DEF6: variants seen among roughly 807,000 people sequenced by gnomAD.
DEF6 encodes the protein DEF6 guanine nucleotide exchange factor, also known as differentially expressed in FDCP 6 homolog.
DEF6 carries 32 observed loss-of-function variants against 80.5 expected under a neutral mutation model. The observed-to-expected ratio is 0.40, with a 90% confidence interval of 0.30 to 0.53. DEF6 has a LOEUF of 0.53. DEF6 is among the 20% of genes least tolerant of loss of function. The probability of loss-of-function intolerance (pLI) is 0.57; values close to 1 mark genes in which losing one functional copy is unlikely to be tolerated. For missense variants in DEF6, 575 were observed against 818.7 expected (o/e 0.70, Z 3.63); for synonymous variants, 300 against 337.9 (o/e 0.89, Z 1.23).
At chr6:35,300,432 C>A (rs1018159002) in intron 1 of DEF6, among the ~76,000 whole-genome samples, 1 of 152,170 alleles carries the variant, frequency 6.6e-6, no homozygotes, top group Admixed American at 6.5e-5. Context: ...TGCCACTTCT[C>A]CCCTAATGTG....
chr6:35,317,724 T>A, intron 5 of DEF6, 167 bp from the exon 6 acceptor site: 5 of 546,220 alleles, frequency 9.2e-6, no homozygotes, highest in East Asian at 3.3e-5. Context: ...TTGTGGGGAC[T>A]TAAGTCCCCC....
chr6:35,317,787 A>C, intron 5 of DEF6, 104 bp from the exon 6 acceptor site: 4 of 923,150 alleles, frequency 4.3e-6, no homozygotes, highest in Admixed American at 2.8e-5. Flanking sequence ...GTCCCCAGGG[A>C]AGATAGCCAG....
chr6:35,306,251 C>A (rs1488743586), intron 1 of DEF6, among the ~76,000 whole-genome samples: 1 of 150,234 alleles, frequency 6.7e-6, no homozygotes, highest in East Asian at 2.0e-4. Context: ...TGGCTCATGC[C>A]TGTAACCCCA....
chr6:35,318,182 T>TGGC lies in DEF6; in HGVS notation c.928_930dup (p.Ala310dup). 6.4e-7 allele frequency: 1 copy of TGGC among 1,562,818 alleles called. No homozygotes were observed. Among genetic ancestry groups the TGGC allele is most frequent in the African/African-American group, 1.4e-5 (1 of 72,694 alleles). On this transcript the variant is annotated inframe_insertion, in exon 7 of 11. Transcript: ENST00000316637. This position sits in a 1 kb window ranked among gnomAD's most constrained non-coding sequence, Gnocchi z 5.1. ...TCCCGCTCTTCGGCAGCCATCCAGA[T>TGGC]GGCGATCCGGCTGCAGGCCGAGGGG...
Position 35,312,430 on chromosome 6 carries a change from C to G in DEF6, c.552C>G (p.Phe184Leu). 6.2e-7 allele frequency: 1 copy of G among 1,614,172 alleles called. No homozygotes were observed. The highest frequency in any genetic ancestry group is 8.5e-7 in the Non-Finnish European group (1 of 1,180,048). The change falls in exon 4 of 11, where the codon TTC becomes TTG. Residue 184 changes from phenylalanine (F) to leucine (L), a missense_variant. Coordinates refer to ENST00000316637, the MANE Select transcript of DEF6 (RefSeq NM_022047.4). The surrounding 1 kb of genome is among the most constrained non-coding windows in gnomAD (Gnocchi z 6.6). ...CCGGGGGGCTCAGCGTCTGGCAGTT[C>G]CTGGAGCTCTTCAATTCGGGCCGCT... is the stretch of plus-strand genomic sequence containing the variant. ...QTTGGLSVWQ[F>L]LELFNSGRCL...
At position 35,319,767 on chromosome 6, in the gene DEF6, C is replaced by T; in HGVS notation, c.1383-52C>T. 6.2e-7 allele frequency: 1 copy of T among 1,610,954 alleles called. No homozygotes were observed. Among genetic ancestry groups the T allele is most frequent in the Non-Finnish European group, 8.5e-7 (1 of 1,178,022 alleles). On this transcript the variant is annotated intron_variant, in intron 8 of 10. Transcript: ENST00000316637. The surrounding 1 kb of genome is among the most constrained non-coding windows in gnomAD (Gnocchi z 4.5). ...CCCCAGTTTTCCTGCTTGCTGTGCA[C>T]CTGCAAGGTGCCTTGGCACTAGAGG...
chr6:35,298,559 C>G (rs1791272813), intron 1 of DEF6, among the ~76,000 whole-genome samples: 1 of 152,174 alleles, frequency 6.6e-6, no homozygotes, highest in Admixed American at 6.5e-5. Flanking sequence ...GGAAACTTAC[C>G]TTAGGCCTTG....
intron 1 of DEF6, among the ~76,000 whole-genome samples, chr6:35,306,565 G>GTTAA (rs1339491490): frequency 6.6e-6 from 1 of 151,652 alleles, no homozygotes; most frequent in Non-Finnish European, 1.5e-5. Flanking sequence ...GGTGATCACT[G>GTTAA]TTAACAGTTT....
rs774306070 is a variant in DEF6, at chr6:35,307,012, C to T, written c.97-2658C>T. On this transcript the variant is annotated intron_variant, in intron 1 of 10. Coordinates refer to ENST00000316637, the MANE Select transcript of DEF6 (RefSeq NM_022047.4). ...GTATACCTGTTTCCTACTGGAAGAGCCTCAGTTTGTCTCCATTTTTTCATA... is the reference window on the plus strand; with the variant it reads ...GTATACCTGTTTCCTACTGGAAGAGTCTCAGTTTGTCTCCATTTTTTCATA... Among the ~76,000 whole-genome samples the T allele has an allele frequency of 1.4e-4, 21 of 152,208 alleles. 3 individuals carry two copies. Among genetic ancestry groups the T allele is most frequent in the Non-Finnish European group, 2.9e-5 (2 of 68,038 alleles).
Position 35,312,172 on chromosome 6 carries a change from C to T in DEF6, c.424-130C>T. On this transcript the variant is annotated intron_variant, in intron 3 of 10. Transcript: ENST00000316637. The surrounding 1 kb of genome is among the most constrained non-coding windows in gnomAD (Gnocchi z 6.6). Reference sequence around the variant, plus strand: ...CCCTGGCTCCATAACATTCGGTCCTCTGGCCCCCTCAACGCTCTGTCCCCT... The same window carrying T: ...CCCTGGCTCCATAACATTCGGTCCTTTGGCCCCCTCAACGCTCTGTCCCCT... The T allele has an allele frequency of 1.4e-6, 1 of 737,978 alleles. No homozygotes were observed. Among genetic ancestry groups the T allele is most frequent in the Non-Finnish European group, 2.2e-6 (1 of 453,788 alleles). 45.7% of individuals were successfully genotyped at this position (737,978 alleles called of 1,614,324 possible). A position where few individuals can be genotyped will look rare whatever the true frequency, so the allele number is the denominator to read the frequency against.
rs1440015307 is a variant in DEF6, at chr6:35,318,153, C to A, written c.917-20C>A. The stretch of plus-strand genomic sequence containing the variant: ...GGCCGTGTGCGAGGATCCTACTGAC[C>A]CGCTCCCGCTCTTCGGCAGCCATCC... On this transcript the variant is annotated intron_variant, in intron 6 of 10. Coordinates refer to ENST00000316637, the MANE Select transcript of DEF6 (RefSeq NM_022047.4). This position sits in a 1 kb window ranked among gnomAD's most constrained non-coding sequence, Gnocchi z 5.1. The A allele has an allele frequency of 3.9e-6, 6 of 1,540,280 alleles. No individual in the cohort carries two copies. The highest frequency in any genetic ancestry group is 5.2e-6 in the Non-Finnish European group (6 of 1,145,922).
At chr6:35,307,846 G>A (rs1271976038) in intron 1 of DEF6, among the ~76,000 whole-genome samples, 1 of 152,174 alleles carries the variant, frequency 6.6e-6, no homozygotes, top group Non-Finnish European at 1.5e-5. Flanking sequence ...TCTGAAAAGA[G>A]AATAAAATGA....
rs1361096130 is a variant in DEF6, at chr6:35,319,805, C to G, written c.1383-14C>G. On this transcript the variant is annotated splice_polypyrimidine_tract_variant and intron_variant, in intron 8 of 10. Transcript: ENST00000316637. This position sits in a 1 kb window ranked among gnomAD's most constrained non-coding sequence, Gnocchi z 4.5. ...TTGGCACTAGAGGCTACACAGTACA[C>G]ACTCACCCGGCAGACTGCTGGAAGA... The G allele has an allele frequency of 6.2e-7, 1 of 1,602,946 alleles. No homozygotes were observed. The highest frequency in any genetic ancestry group is 8.5e-7 in the Non-Finnish European group (1 of 1,174,688).
In DEF6 at chr6:35,309,812, T is replaced by TG; in HGVS notation, c.237+6dup. Reference sequence around the variant, plus strand: ...CTCAACAAGTACATCCTGGACAAGGTGGGGCCCAGCTTGTAGGGAGCATCT... The same window carrying TG: ...CTCAACAAGTACATCCTGGACAAGGTGGGGGCCCAGCTTGTAGGGAGCATCT... On this transcript the variant is annotated splice_region_variant and intron_variant, in intron 2 of 10. Coordinates refer to ENST00000316637, the MANE Select transcript of DEF6 (RefSeq NM_022047.4). The TG allele has an allele frequency of 6.2e-7, 1 of 1,613,812 alleles. No homozygotes were observed.
At chr6:35,310,073 C>G (rs1791443327) in intron 2 of DEF6, among the ~76,000 whole-genome samples, 1 of 152,032 alleles carries the variant, frequency 6.6e-6, no homozygotes, top group Non-Finnish European at 1.5e-5. Context: ...GAATCCCTGC[C>G]CGGCCCTCCT....
intron 1 of DEF6, among the ~76,000 whole-genome samples, chr6:35,309,344 G>C (rs1375197744): frequency 1.3e-5 from 2 of 152,204 alleles, no homozygotes; most frequent in Non-Finnish European, 2.9e-5. Flanking sequence ...ACCTAATGAA[G>C]TGGCTAAGAG....
At chr6:35,307,380 C>T (rs1304338041) in intron 1 of DEF6, among the ~76,000 whole-genome samples, 1 of 152,252 alleles carries the variant, frequency 6.6e-6, no homozygotes, top group Non-Finnish European at 1.5e-5. Context: ...GCCTGGGCGG[C>T]AGATTTGGAA....
chr6:35,314,638 T>C (rs1791504964), intron 5 of DEF6, among the ~76,000 whole-genome samples: 1 of 152,208 alleles, frequency 6.6e-6, no homozygotes, highest in Admixed American at 6.5e-5. Context: ...TACAGAGTTG[T>C]TTGAGCTCCT....
At chr6:35,304,365 T>C (rs944229165) in intron 1 of DEF6, among the ~76,000 whole-genome samples, 44 of 152,106 alleles carry the variant, frequency 2.9e-4, no homozygotes, top group African/African-American at 1.1e-3. Flanking sequence ...TCAGGGAATA[T>C]ATATTCCCTG....
Sources: allele counts gnomAD v4.1 joint callset (sites outside exome capture counted in the v4.1 genomes callset), GRCh38; gene constraint gnomAD v4.1.1; non-coding constraint Gnocchi (gnomAD v3.1); transcripts MANE v1.5; gene names NCBI Gene and HGNC (gene_info 2026-07-23, HGNC 2026-07-21).